VNN2: variants seen among roughly 807,000 people sequenced by gnomAD.
VNN2 encodes vanin 2.
In VNN2, 43 loss-of-function variants were observed where a neutral mutation model predicts 43.0. The ratio of observed to expected loss-of-function variants is 1.00; its 90% CI spans 0.78 to 1.29. The LOEUF is 1.29. VNN2 is among the 50% of genes most tolerant of loss of function. The pLI is 0.00. For synonymous variants in VNN2, 230 were observed against 224.3 expected (o/e 1.03, Z -0.23); for missense variants, 652 against 619.7 (o/e 1.05, Z -0.55).
intron 2 of VNN2, among the ~76,000 whole-genome samples, chr6:132,756,969 A>G (rs1322468883): frequency 6.6e-6 from 1 of 152,220 alleles, no homozygotes; most frequent in Non-Finnish European, 1.5e-5. Flanking sequence ...GCCTAGGAAA[A>G]TGCAGTTTCA....
At chr6:132,762,856 T>TC (rs1410730726), upstream of VNN2, among the ~76,000 whole-genome samples, 4 of 152,216 alleles carry the variant, frequency 2.6e-5, no homozygotes, top group Non-Finnish European at 5.9e-5. Flanking sequence ...AACCAACATG[T>TC]CTGTTTTCCT....
chr6:132,757,953 G>A, upstream of VNN2: 1 of 1,282,188 alleles, frequency 7.8e-7, no homozygotes, highest in Non-Finnish European at 1.1e-6. Flanking sequence ...GAGAATGTTT[G>A]CATAACATGT....
At chr6:132,755,778 C>A (rs1461834787) in intron 3 of VNN2, 65 bp downstream of exon 3, 12 of 1,467,958 alleles carry the variant, frequency 8.2e-6, no homozygotes, top group Admixed American at 2.1e-5. Context: ...GAAATTCAAA[C>A]TCCTAAACCC....
rs555820384 is a variant in VNN2 at position 132,749,925 on chromosome 6, A to G, written c.1201-60T>C. Reference sequence around the variant, plus strand: ...TTACATTGAAGTTACTCATACCAGAAATGTTGCCTTAGTTTTTAACTACAG... The same window carrying G: ...TTACATTGAAGTTACTCATACCAGAGATGTTGCCTTAGTTTTTAACTACAG... On this transcript the variant is annotated intron_variant, in intron 5 of 6. Transcript: ENST00000326499. 6.5e-3 allele frequency: 9,588 copies of G among 1,472,510 alleles called. 89 individuals carry two copies. Among genetic ancestry groups the G allele is most frequent in the Non-Finnish European group, 5.8e-3 (6,286 of 1,091,330 alleles). 91.2% of individuals were successfully genotyped at this position (1,472,510 alleles called of 1,614,324 possible).
At chr6:132,745,215 CT>C (rs1279008360) in intron 6 of VNN2, among the ~76,000 whole-genome samples, 4 of 152,076 alleles carry the variant, frequency 2.6e-5, no homozygotes, top group East Asian at 1.9e-4. Flanking sequence ...CACAGCCATT[CT>C]TTTTTTCCCC....
intron 6 of VNN2, among the ~76,000 whole-genome samples, chr6:132,744,693 T>C (rs1256398893): frequency 6.6e-6 from 1 of 152,122 alleles, no homozygotes; most frequent in East Asian, 1.9e-4. Flanking sequence ...AAGATTTTAG[T>C]TTCAACAATC....
Position 132,744,033 on chromosome 6 carries a change from G to C in VNN2, c.*267C>G. 3.7e-6 allele frequency: 1 copy of C among 272,178 alleles called. No homozygotes were observed. The highest frequency in any genetic ancestry group is 6.8e-6 in the Non-Finnish European group (1 of 147,048). 16.9% of individuals were successfully genotyped at this position (272,178 alleles called of 1,614,324 possible). ...TACACACAAAGTCTCAAGCAAATGA[G>C]GCTGGAGCTGGAGTTTGATCTTCAT... On this transcript the variant is annotated 3_prime_UTR_variant, in exon 7 of 7. Coordinates refer to ENST00000326499, the MANE Select transcript of VNN2 (RefSeq NM_004665.6).
At chr6:132,755,504 G>C (rs1200177176) in intron 3 of VNN2, among the ~76,000 whole-genome samples, 1 of 150,518 alleles carries the variant, frequency 6.6e-6, no homozygotes, top group Non-Finnish European at 1.5e-5. Flanking sequence ...CTCCCACATA[G>C]CTGGGACTAC....
rs1037721847 is a variant in VNN2, at chr6:132,744,295, A to T, written c.*5T>A. The T allele has an allele frequency of 2.5e-6, 4 of 1,599,602 alleles. No homozygotes were observed. The African/African-American group carries it at 5.4e-5, about 22-fold the overall frequency. ...GATGCAGAAGCTGAGTGATAAAGAG[A>T]CGCCCTATAACATTACAATATTTTG... On this transcript the variant is annotated 3_prime_UTR_variant, in exon 7 of 7. Transcript: ENST00000326499.
chr6:132,747,119 C>T (rs1016260189), intron 6 of VNN2, among the ~76,000 whole-genome samples: 9 of 152,080 alleles, frequency 5.9e-5, no homozygotes, highest in Non-Finnish European at 1.0e-4. Context: ...CCAATTTAAA[C>T]GGTAGGTGCT....
In VNN2 at chr6:132,752,530, C is replaced by G; in HGVS notation, c.757G>C (p.Ala253Pro). The G allele has an allele frequency of 6.2e-7, 1 of 1,614,122 alleles. No individual in the cohort carries two copies. The highest frequency in any genetic ancestry group is 8.5e-7 in the Non-Finnish European group (1 of 1,180,028). ...TTAACTCCCATTCCCATTGCCCAAG[C>G]TGAATGGAATTCAATAGCTGTCAAA... is the stretch of plus-strand genomic sequence containing the variant. ...PLLTAIEFHS[A>P]WAMGMGVNLL... The change falls in exon 4 of 7, where the codon GCT (alanine) becomes CCT (proline). Residue 253 changes from alanine to proline, a missense_variant. Physicochemically the swap from Ala to Pro is conservative, Grantham distance 27. Coordinates refer to ENST00000326499, the MANE Select transcript of VNN2 (RefSeq NM_004665.6).
intron 6 of VNN2, among the ~76,000 whole-genome samples, chr6:132,744,735 G>A (rs1047882353): frequency 6.6e-6 from 1 of 152,198 alleles, no homozygotes; most frequent in African/African-American, 2.4e-5. Flanking sequence ...GTCAAAATCA[G>A]CAGCAGCAAT....
chr6:132,756,137 T>A, intron 2 of VNN2, 102 bp from the exon 3 acceptor site: 2 of 1,118,124 alleles, frequency 1.8e-6, no homozygotes, highest in Non-Finnish European at 1.2e-6. Context: ...GAACTTAAGT[T>A]AATACAAAAA....
At chr6:132,759,218 C>T (rs1412775727), upstream of VNN2, among the ~76,000 whole-genome samples, 1 of 151,796 alleles carries the variant, frequency 6.6e-6, no homozygotes, top group South Asian at 2.1e-4. Flanking sequence ...AGGCAGATCA[C>T]CTGAGGTCAG....
At chr6:132,762,491 G>T (rs544212911), upstream of VNN2, among the ~76,000 whole-genome samples, 79 of 152,206 alleles carry the variant, frequency 5.2e-4, no homozygotes, top group African/African-American at 1.9e-3. Flanking sequence ...GTACTTAATG[G>T]CAAAGAAAAA....
intron 5 of VNN2, among the ~76,000 whole-genome samples, chr6:132,750,541 G>A (rs1409622051): frequency 2.8e-5 from 3 of 108,120 alleles, no homozygotes; most frequent in South Asian, 2.9e-4. Context: ...GCACATGCCT[G>A]TAGTCCCAGC....
chr6:132,756,764 A>C (rs1263949913), intron 2 of VNN2, among the ~76,000 whole-genome samples: 1 of 152,194 alleles, frequency 6.6e-6, no homozygotes, highest in Non-Finnish European at 1.5e-5. Flanking sequence ...CCACAGGTGA[A>C]CTCATCATGG....
intron 5 of VNN2, among the ~76,000 whole-genome samples, chr6:132,750,514 T>TATATATA (rs369805846): frequency 7.0e-5 from 8 of 114,282 alleles, no homozygotes; most frequent in African/African-American, 1.8e-4. Context: ...TATATATATA[T>TATATATA]TTTTCCAGGT....
At position 132,744,132 on chromosome 6, in the gene VNN2, C is replaced by T. The variant is rs545228470; in HGVS notation, c.*168G>A. On this transcript the variant is annotated 3_prime_UTR_variant, in exon 7 of 7. Coordinates refer to ENST00000326499, the MANE Select transcript of VNN2 (RefSeq NM_004665.6). The stretch of plus-strand genomic sequence containing the variant: ...ATTTCAGAGTAGCCAAAAAAATGGA[C>T]AACATTATCATAATACTTAAAAAAT... The T allele has an allele frequency of 1.8e-6, 1 of 561,974 alleles. No homozygotes were observed. The highest frequency in any genetic ancestry group is 3.5e-5 in the South Asian group (1 of 28,848). 34.8% of individuals were successfully genotyped at this position (561,974 alleles called of 1,614,324 possible).
Sources: gnomAD v4.1 joint callset for allele counts (sites outside exome capture counted in the v4.1 genomes callset) on GRCh38, gnomAD v4.1.1 for gene constraint, MANE v1.5 for transcripts, NCBI Gene and HGNC (gene_info 2026-07-23, HGNC 2026-07-21) for gene names.